The following ZNF227 variants were observed in gnomAD, a reference collection of about 807,000 sequenced individuals.
ZNF227 encodes zinc finger protein 227.
A neutral mutation model predicts 13.2 loss-of-function variants in ZNF227; 12 were observed. That is an observed-to-expected ratio of 0.91 (90% CI 0.58 to 1.47). ZNF227 has a LOEUF of 1.47. Ranked by LOEUF, ZNF227 falls within the 40% of genes most tolerant of loss-of-function variation. The pLI is 0.00. For synonymous variants in ZNF227, 338 were observed against 326.0 expected (o/e 1.04, Z -0.40); for missense variants, 885 against 967.5 (o/e 0.91, Z 1.13).
In ZNF227 at chr19:44,236,749, A is replaced by G; in HGVS notation, c.2319A>G (p.Lys773=). ...TCCACACTGGAGAAAAACCATACAA[A>G]TGTGACATATGTGATAAGGACTTCC... ...QRVHTGEKPY[K]CDICDKDFRH... The change falls in exon 6 of 6, where the codon AAA becomes AAG. Residue 773 remains lysine, a synonymous_variant. Coordinates refer to ENST00000313040, the MANE Select transcript of ZNF227 (RefSeq NM_182490.3). The G allele has an allele frequency of 6.2e-7, 1 of 1,613,934 alleles. No homozygotes were observed. Among genetic ancestry groups the G allele is most frequent in the Non-Finnish European group, 8.5e-7 (1 of 1,179,922 alleles).
At chr19:44,234,403 C>T (rs886528237) in intron 5 of ZNF227, among the ~76,000 whole-genome samples, 1 of 152,142 alleles carries the variant, frequency 6.6e-6, no homozygotes, top group African/African-American at 2.4e-5. Context: ...TATGGATTTT[C>T]TTTTTGTTGC....
chr19:44,236,485 A>C lies in ZNF227; in HGVS notation c.2055A>C (p.Glu685Asp). The change falls in exon 6 of 6, where the codon GAA (glutamate) becomes GAC (aspartate). Residue 685 changes from glutamate (E) to aspartate (D), a missense_variant. Glu to Asp is a conservative substitution (Grantham distance 45). Coordinates refer to ENST00000313040, the MANE Select transcript of ZNF227 (RefSeq NM_182490.3). The stretch of plus-strand genomic sequence containing the variant: ...ACCATCAGAGAGGCCACACTGGAGA[A>C]AAACCTTACAAATGTGAAGAGTGTG... ...FIYHQRGHTGEKPYKCEECGK... is the reference protein window; with the variant it reads ...FIYHQRGHTGDKPYKCEECGK... 1 of 1,614,060 alleles carries C rather than the reference A, an allele frequency of 6.2e-7. No individual in the cohort carries two copies. The highest frequency in any genetic ancestry group is 8.5e-7 in the Non-Finnish European group (1 of 1,180,026).
At chr19:44,231,157 T>A (rs1174722153) in intron 5 of ZNF227, among the ~76,000 whole-genome samples, 1 of 151,356 alleles carries the variant, frequency 6.6e-6, no homozygotes, top group Non-Finnish European at 1.5e-5. Flanking sequence ...CTCTGTCACC[T>A]AGGCTGGAAA....
chr19:44,228,813 C>A, intron 4 of ZNF227: 1 of 475,226 alleles, frequency 2.1e-6, no homozygotes, highest in Non-Finnish European at 3.6e-6. Context: ...TTGGCAATGT[C>A]TGGAAATGGT....
intron 2 of ZNF227, among the ~76,000 whole-genome samples, chr19:44,217,233 G>A (rs1343435073): frequency 6.6e-6 from 1 of 151,958 alleles, no homozygotes; most frequent in Non-Finnish European, 1.5e-5. Context: ...TAAAGTGCTG[G>A]GATTACAAGC....
rs769377681 is a variant in ZNF227, at chr19:44,235,642, T to C, written c.1212T>C (p.Gly404=). ...NLRVHQRVHR[G]EKPYKCEECG... ...GTGTTCACCAGAGGGTCCACAGGGG[T>C]GAGAAGCCCTATAAATGTGAGGAAT... The change falls in exon 6 of 6, where the codon GGT becomes GGC. Residue 404 remains glycine (G), a synonymous_variant. Coordinates refer to ENST00000313040, the MANE Select transcript of ZNF227 (RefSeq NM_182490.3). 5.6e-6 allele frequency: 9 copies of C among 1,612,524 alleles called. No individual in the cohort carries two copies. The Admixed American group carries it at 8.4e-5, about 15-fold the overall frequency.
chr19:44,235,161 C>A lies in ZNF227; in HGVS notation c.731C>A (p.Pro244His). Residue 244 changes from proline to histidine, a missense_variant, in exon 6 of 6, where the codon CCC becomes CAC. Transcript: ENST00000313040. ...IISDGSNQKL[P>H]LGEKPHPCGE... is the part of the protein sequence containing the mutation. ...AGTGATGGCTCCAATCAGAAATTAC[C>A]CTTAGGAGAGAAACCCCATCCATGT... is the stretch of plus-strand genomic sequence containing the variant. 1 of 1,614,050 alleles carries A rather than the reference C, an allele frequency of 6.2e-7. No homozygotes were observed. Among genetic ancestry groups the A allele is most frequent in the Non-Finnish European group, 8.5e-7 (1 of 1,180,012 alleles).
intron 2 of ZNF227, among the ~76,000 whole-genome samples, chr19:44,215,878 C>T (rs1971823628): frequency 6.6e-6 from 1 of 151,376 alleles, no homozygotes. Context: ...ATCCCAGCTA[C>T]TCAGGAGGCT....
intron 1 of ZNF227, chr19:44,212,813 C>T (rs576746211): frequency 6.6e-6 from 1 of 150,934 alleles, no homozygotes; most frequent in South Asian, 2.1e-4. Context: ...CCTGTTTCCT[C>T]ATCTTTAAAA....
chr19:44,219,347 C>G (rs960510210), intron 3 of ZNF227, among the ~76,000 whole-genome samples: 3 of 152,104 alleles, frequency 2.0e-5, no homozygotes, highest in African/African-American at 7.2e-5. Context: ...ACAGCAAAAG[C>G]TATCAGGTAT....
Position 44,236,532 on chromosome 19 carries a change from T to C in ZNF227, c.2102T>C (p.Leu701Ser). ...TGTGGGAAAGGCTTTGGTAGGAGCT[T>C]GAATCTTCGCCATCATCAGAGGGTC... is the stretch of plus-strand genomic sequence containing the variant. ...EECGKGFGRSLNLRHHQRVHT... is the reference protein window; with the variant it reads ...EECGKGFGRSSNLRHHQRVHT... Residue 701 changes from leucine to serine, a missense_variant, in exon 6 of 6, where the codon TTG (leucine) becomes TCG (serine). Transcript: ENST00000313040. 1 of 1,612,490 alleles carries C rather than the reference T, an allele frequency of 6.2e-7. No homozygotes were observed. The highest frequency in any genetic ancestry group is 8.5e-7 in the Non-Finnish European group (1 of 1,179,558).
Position 44,217,383 on chromosome 19 carries a change from A to G in ZNF227, c.-2-408A>G, listed in dbSNP as rs144882440. Reference sequence around the variant, plus strand: ...CTTGGAAAAACCCTATGAGGGAGGTACGATTTATGATTCTTACCATATCCT... The same window carrying G: ...CTTGGAAAAACCCTATGAGGGAGGTGCGATTTATGATTCTTACCATATCCT... On this transcript the variant is annotated intron_variant, in intron 2 of 5. Coordinates refer to ENST00000313040, the MANE Select transcript of ZNF227 (RefSeq NM_182490.3). 3.6e-4 allele frequency: 165 copies of G among 462,188 alleles called. No individual in the cohort carries two copies. In the East Asian group the frequency reaches 0.011, roughly 31 times the overall value. 28.6% of individuals were successfully genotyped at this position (462,188 alleles called of 1,614,324 possible).
upstream of ZNF227, among the ~76,000 whole-genome samples, chr19:44,208,257 G>A (rs1277908854): frequency 6.6e-6 from 1 of 152,138 alleles, no homozygotes; most frequent in African/African-American, 2.4e-5. Flanking sequence ...AGAGGACTTG[G>A]TCTCATCATT....
Position 44,217,819 on chromosome 19 carries a change from C to T in ZNF227, c.27C>T (p.Pro9=), listed in dbSNP as rs781500103. 6.2e-7 allele frequency: 1 copy of T among 1,614,188 alleles called. No homozygotes were observed. The highest frequency in any genetic ancestry group is 8.5e-7 in the Non-Finnish European group (1 of 1,180,036). MPSQNYDL[P]QKKQEKMTKF... ...TGCCATCTCAGAACTATGACCTTCCCCAGAAGAAGCAGGAGAAAATGACCA... is the reference window on the plus strand; with the variant it reads ...TGCCATCTCAGAACTATGACCTTCCTCAGAAGAAGCAGGAGAAAATGACCA... Residue 9 remains proline (P), a synonymous_variant, in exon 3 of 6, where the codon CCC becomes CCT. Coordinates refer to ENST00000313040, the MANE Select transcript of ZNF227 (RefSeq NM_182490.3).
rs755612472 is a variant in ZNF227, at chr19:44,228,529, C to G, written c.144C>G (p.Tyr48Ter). The G allele has an allele frequency of 6.2e-7, 1 of 1,613,706 alleles. No homozygotes were observed. The highest frequency in any genetic ancestry group is 8.5e-7 in the Non-Finnish European group (1 of 1,179,924). The change falls in exon 4 of 6, where the codon TAC becomes TAG. Residue 48 changes from tyrosine (Y) to a stop codon, truncating the protein, a stop_gained. Transcript: ENST00000313040. LOFTEE classifies it high-confidence loss of function. ...RLLDLTQRKLYRDVMVENFKN... is the reference protein window; with the variant it reads ...RLLDLTQRKL ...TCGATCTTACCCAGAGGAAGCTGTA[C>G]CGAGATGTCATGGTGGAGAACTTCA...
intron 5 of ZNF227, among the ~76,000 whole-genome samples, chr19:44,230,897 C>T (rs1261856815): frequency 9.9e-6 from 1 of 101,206 alleles, no homozygotes; most frequent in Non-Finnish European, 1.7e-5. Flanking sequence ...CATAGTGAGA[C>T]TCCATCTCTA....
chr19:44,219,826 A>G (rs1568597140), intron 3 of ZNF227, among the ~76,000 whole-genome samples: 2 of 151,490 alleles, frequency 1.3e-5, no homozygotes, highest in Non-Finnish European at 2.9e-5. Context: ...CATGTGCACA[A>G]TGTGCAGGTT....
chr19:44,216,964 T>TG (rs1450657477), intron 2 of ZNF227, among the ~76,000 whole-genome samples: 7 of 145,820 alleles, frequency 4.8e-5, no homozygotes, highest in African/African-American at 1.8e-4. Flanking sequence ...GCTTGTTTTT[T>TG]TTTTTTTTTT....
chr19:44,219,759 T>TTTTATTTA (rs370761338), intron 3 of ZNF227, among the ~76,000 whole-genome samples: 1,706 of 149,432 alleles, frequency 0.011, 38 homozygotes, highest in African/African-American at 0.04. Context: ...GTTGATTTTC[T>TTTTATTTA]TTTATTTATT....
Sources: allele counts gnomAD v4.1 joint callset (sites outside exome capture counted in the v4.1 genomes callset), GRCh38; gene constraint gnomAD v4.1.1; transcripts MANE v1.5; gene names NCBI Gene and HGNC (gene_info 2026-07-23, HGNC 2026-07-21).